ADCY6: variants seen among roughly 807,000 people sequenced by gnomAD.
The protein encoded by ADCY6 is adenylate cyclase type 6.
ADCY6 carries 59 observed loss-of-function variants against 111.6 expected under a neutral mutation model. The observed-to-expected ratio is 0.53, with a 90% CI of 0.43 to 0.66. The LOEUF (loss-of-function observed/expected upper bound fraction) is 0.66, where lower values mean the gene tolerates loss of function less well. Among genes scored for constraint, ADCY6 ranks in the 30% least tolerant of loss-of-function variants. The pLI, the probability that ADCY6 is intolerant of heterozygous loss-of-function variation, is 0.00. For synonymous variants in ADCY6, 576 were observed against 642.9 expected (o/e 0.90, Z 1.57); for missense variants, 1,242 against 1,595.6 (o/e 0.78, Z 3.78).
chr12:48,776,246 A>G lies in ADCY6; in HGVS notation c.1640T>C (p.Ile547Thr), dbSNP rs143114060. The change falls in exon 8 of 22, where the codon ATT becomes ACT. Residue 547 changes from isoleucine to threonine, a missense_variant. Coordinates refer to ENST00000357869, the MANE Select transcript of ADCY6 (RefSeq NM_015270.5). This position sits in a 1 kb window ranked among gnomAD's most constrained non-coding sequence, Gnocchi z 6.1. ...ERNAYLKEQH[I>T]ETFLILGASQ... ...GGCGCCCAGGATGAGGAAAGTCTCA[A>G]TGTGCTGCTCCTTGAGGTACGCGTT... 3.2e-3 allele frequency: 5,245 copies of G among 1,614,138 alleles called. 19 individuals are homozygous for G. The highest frequency in any genetic ancestry group is 0.013 in the South Asian group (1,193 of 91,078).
intron 1 of ADCY6, chr12:48,783,773 C>A (rs928990954): frequency 3.3e-6 from 1 of 303,516 alleles, no homozygotes; most frequent in Non-Finnish European, 6.0e-6. Context: ...CAAGACCCTG[C>A]CTCTATTAAA....
At chr12:48,787,744 T>C (rs2137403140) in intron 1 of ADCY6, among the ~76,000 whole-genome samples, 1 of 152,284 alleles carries the variant, frequency 6.6e-6, no homozygotes, top group South Asian at 2.1e-4. Flanking sequence ...ATTTGCACTC[T>C]CACAGATCTG....
At position 48,776,496 on chromosome 12, in the gene ADCY6, T is replaced by C; in HGVS notation, c.1467A>G (p.Lys489=). Residue 489 remains lysine, a synonymous_variant, in exon 7 of 22, where the codon AAA becomes AAG. Transcript: ENST00000357869. The surrounding 1 kb of genome is among the most constrained non-coding windows in gnomAD (Gnocchi z 6.1). ...CATTGGACCACACATCGAACTGCCA[T>C]TTCCGCAAGCCAAGGACGCCGCAGT... ...RVHCGVLGLR[K]WQFDVWSNDV... is the part of the protein sequence containing the mutation. 6.2e-7 allele frequency: 1 copy of C among 1,612,650 alleles called. No homozygotes were observed. Among genetic ancestry groups the C allele is most frequent in the Non-Finnish European group, 8.5e-7 (1 of 1,179,864 alleles).
intron 1 of ADCY6, among the ~76,000 whole-genome samples, chr12:48,786,116 G>C (rs61738849): frequency 0.036 from 5,450 of 152,238 alleles, 315 homozygotes; most frequent in African/African-American, 0.12. Context: ...TGCTGAGCTA[G>C]CAGCACTGAC....
At chr12:48,789,211 C>T (rs922027198), upstream of ADCY6, 2 of 152,258 alleles carry the variant, frequency 1.3e-5, no homozygotes, top group African/African-American at 4.8e-5. Context: ...TTGCCCACTC[C>T]CCTTCCTAGC....
At chr12:48,781,190 A>C (rs189974590) in intron 2 of ADCY6, among the ~76,000 whole-genome samples, 11 of 145,140 alleles carry the variant, frequency 7.6e-5, no homozygotes, top group Non-Finnish European at 1.2e-4. Flanking sequence ...ACAGAGCAAG[A>C]CTCCGTCTCA....
chr12:48,776,729 G>A lies in ADCY6; in HGVS notation c.1377-143C>T, dbSNP rs753260862. 246 of 1,151,678 alleles carry A rather than the reference G, an allele frequency of 2.1e-4. 1 individual carries two copies. Among genetic ancestry groups the A allele is most frequent in the Non-Finnish European group, 2.8e-4 (236 of 838,592 alleles). The allele number at this position is 1,151,678 out of a possible 1,614,324, so 71.3% of individuals were successfully genotyped here. A position where few individuals can be genotyped will look rare whatever the true frequency, so the allele number is the denominator to read the frequency against. The stretch of plus-strand genomic sequence containing the variant: ...CGGGAGCACAGCCTTGGTTGGACAT[G>A]AGCAGAAGGCTGCATGGGGCTCAAG... On this transcript the variant is annotated intron_variant, in intron 6 of 21. Transcript: ENST00000357869. This position sits in a 1 kb window ranked among gnomAD's most constrained non-coding sequence, Gnocchi z 6.1.
chr12:48,772,283 CCA>C lies in ADCY6; in HGVS notation c.2787+10_2787+11del. 6.2e-7 allele frequency: 1 copy of C among 1,607,918 alleles called. No homozygotes were observed. The highest frequency in any genetic ancestry group is 8.5e-7 in the Non-Finnish European group (1 of 1,176,794). ...AGGTTCCTCCTCTTCCCCCAAAGGC[CCA>C]CACAGTCACCTGTAGTTTCCAGAGG... On this transcript the variant is annotated intron_variant, in intron 18 of 21. Transcript: ENST00000357869.
chr12:48,776,870 A>C lies in ADCY6; in HGVS notation c.1376+234T>G, dbSNP rs1460248943. ...GGCCTGCACAGATGGCATTCCCTCT[A>C]GCCCAACTCCCCTACTGCATAGGCT... On this transcript the variant is annotated intron_variant, in intron 6 of 21. Transcript: ENST00000357869. This position sits in a 1 kb window ranked among gnomAD's most constrained non-coding sequence, Gnocchi z 6.1. 6.6e-6 allele frequency among the ~76,000 whole-genome samples: 1 copy of C among 152,182 alleles called. No homozygotes were observed. The highest frequency in any genetic ancestry group is 2.1e-4 in the South Asian group (1 of 4,834).
intron 16 of ADCY6, among the ~76,000 whole-genome samples, chr12:48,773,117 GC>G (rs1465303349): frequency 1.3e-5 from 2 of 152,132 alleles, no homozygotes; most frequent in Non-Finnish European, 2.9e-5. Flanking sequence ...CCCAGGCAAA[GC>G]CCCCAAGCAG....
chr12:48,782,913 G>T lies in ADCY6; in HGVS notation c.522C>A (p.Ala174=), dbSNP rs138801065. 2.5e-6 allele frequency: 4 copies of T among 1,613,388 alleles called. No homozygotes were observed. In the African/African-American group the frequency reaches 5.3e-5, roughly 22 times the overall value. ...AVLLAFHAAP[A]RPQPAYVALL... is the part of the protein sequence containing the mutation. ...GTGCCACATAGGCAGGCTGAGGGCG[G>T]GCGGGTGCGGCGTGGAAAGCCAGCA... Residue 174 remains alanine (A), a synonymous_variant, in exon 2 of 22, where the codon GCC becomes GCA. Transcript: ENST00000357869. The surrounding 1 kb of genome is among the most constrained non-coding windows in gnomAD (Gnocchi z 4.3).
At chr12:48,789,167 ATCCCCC>A, upstream of ADCY6, 1 of 152,098 alleles carries the variant, frequency 6.6e-6, no homozygotes, top group Non-Finnish European at 1.5e-5. Context: ...TTGTCTGGGC[ATCCCCC>A]TCCCCCTCCC....
rs369397312 is a variant in ADCY6, at chr12:48,775,663, C to A, written c.1832+10G>T. ...CAAGTGCCTTCTCCCTCCTCAGTAA[C>A]CTGACTTACTTGTCTTTGCTGGAAT... On this transcript the variant is annotated intron_variant, in intron 10 of 21. Transcript: ENST00000357869. 1.2e-5 allele frequency: 20 copies of A among 1,612,518 alleles called. No individual in the cohort carries two copies. The Admixed American group carries it at 1.5e-4, about 12-fold the overall frequency.
chr12:48,775,626 C>A (rs368180365), intron 10 of ADCY6, 47 bp downstream of exon 10: 1 of 1,600,314 alleles, frequency 6.2e-7, no homozygotes, highest in Non-Finnish European at 8.6e-7. Flanking sequence ...CCCCCAGCCC[C>A]ATCCCAGGGT....
chr12:48,772,153 G>A (rs892469615), intron 18 of ADCY6, 142 bp downstream of exon 18: 51 of 1,408,606 alleles, frequency 3.6e-5, no homozygotes, highest in Non-Finnish European at 4.8e-5. Context: ...AGGGAGTAAG[G>A]GATGGGCACA....
rs1941429031 is a variant in ADCY6, at chr12:48,768,299, GCTT to G, written c.*289_*291del. On this transcript the variant is annotated 3_prime_UTR_variant, in exon 22 of 22. Coordinates refer to ENST00000357869, the MANE Select transcript of ADCY6 (RefSeq NM_015270.5). ...TCCCTCAGGCAAGAGGCCTCCCTCTGCTTCTGCTACTGACCCCTCCCCTGCTCC... is the reference window on the plus strand; with the variant it reads ...TCCCTCAGGCAAGAGGCCTCCCTCTGCTGCTACTGACCCCTCCCCTGCTCC... 2.1e-6 allele frequency: 1 copy of G among 484,038 alleles called. No individual in the cohort carries two copies. The highest frequency in any genetic ancestry group is 2.0e-5 in the African/African-American group (1 of 51,244). 30.0% of individuals were successfully genotyped at this position (484,038 alleles called of 1,614,324 possible).
In ADCY6 at chr12:48,774,431, G is replaced by A. The variant is rs1941637122; in HGVS notation, c.2254C>T (p.Leu752Phe). ...STAVGIFSVL[L>F]VFTSAIANMF... ...TTGGCAATGGCAGAAGTAAACACAA[G>A]CAGGACGGAAAAGATGCCAACTGCG... Residue 752 changes from leucine (L) to phenylalanine (F), a missense_variant, in exon 14 of 22, where the codon CTT (leucine) becomes TTT (phenylalanine). Leu to Phe is a conservative substitution (Grantham distance 22). Around this residue, in one of 4 missense-constraint regions of ADCY6, gnomAD observed 375 missense variants for 432.5 expected, o/e 0.87. Coordinates refer to ENST00000357869, the MANE Select transcript of ADCY6 (RefSeq NM_015270.5). 1 of 1,613,782 alleles carries A rather than the reference G, an allele frequency of 6.2e-7. No homozygotes were observed. The highest frequency in any genetic ancestry group is 1.3e-5 in the African/African-American group (1 of 74,840).
At position 48,771,199 on chromosome 12, in the gene ADCY6, T is replaced by G. The variant is rs935578657; in HGVS notation, c.3052-229A>C. On this transcript the variant is annotated intron_variant, in intron 19 of 21. Coordinates refer to ENST00000357869, the MANE Select transcript of ADCY6 (RefSeq NM_015270.5). This position sits in a 1 kb window ranked among gnomAD's most constrained non-coding sequence, Gnocchi z 4.3. ...TCAGAAGGTCCCTCCAGTAGCTCAC[T>G]CACAGAACACAGACCCACAAGTGCA... 3.5e-6 allele frequency: 2 copies of G among 577,362 alleles called. No homozygotes were observed. The highest frequency in any genetic ancestry group is 6.2e-6 in the Non-Finnish European group (2 of 323,490). 35.8% of individuals were successfully genotyped at this position (577,362 alleles called of 1,614,324 possible).
Position 48,776,360 on chromosome 12 carries a change from G to C in ADCY6, c.1536-10C>G. 1 of 1,614,180 alleles carries C rather than the reference G, an allele frequency of 6.2e-7. No individual in the cohort carries two copies. The highest frequency in any genetic ancestry group is 8.5e-7 in the Non-Finnish European group (1 of 1,180,016). ...AGTGATGTGGATGCGGCTGTATGTG[G>C]CCAAGAGGGTGAGACCCTGGCTCTC... On this transcript the variant is annotated splice_polypyrimidine_tract_variant and intron_variant, in intron 7 of 21. Transcript: ENST00000357869. This position sits in a 1 kb window ranked among gnomAD's most constrained non-coding sequence, Gnocchi z 6.1.
Sources: gnomAD v4.1 joint callset for allele counts (sites outside exome capture counted in the v4.1 genomes callset) on GRCh38, gnomAD v4.1.1 for gene constraint, gnomAD v4.1.1 regional missense constraint, Gnocchi (gnomAD v3.1) non-coding constraint, MANE v1.5 for transcripts, NCBI Gene and HGNC (gene_info 2026-07-23, HGNC 2026-07-21) for gene names.